VIPAS39: variants seen among roughly 807,000 people sequenced by gnomAD.
The protein encoded by VIPAS39 is VPS33B interacting protein, apical-basolateral polarity regulator, spe-39 homolog.
VIPAS39 carries 63 observed loss-of-function variants against 84.7 expected under a neutral mutation model. The ratio of observed to expected loss-of-function variants is 0.74; its 90% CI spans 0.61 to 0.92. The LOEUF is 0.92. VIPAS39 is among the 40% of genes least tolerant of loss of function. The pLI is 0.00. For missense variants in VIPAS39, 499 were observed against 604.5 expected (o/e 0.83, Z 1.83); for synonymous variants, 192 against 216.5 (o/e 0.89, Z 0.99).
chr14:77,445,914 C>T (rs868525767), intron 7 of VIPAS39, among the ~76,000 whole-genome samples: 5 of 146,448 alleles, frequency 3.4e-5, no homozygotes, highest in Non-Finnish European at 7.4e-5. Context: ...CACTCCAGCC[C>T]GGGCGACAGA....
chr14:77,444,258 G>A lies in VIPAS39; in HGVS notation c.588C>T (p.Val196=). The change falls in exon 8 of 20, where the codon GTC becomes GTT. Residue 196 remains valine (V), a synonymous_variant. Transcript: ENST00000557658. The part of the protein sequence containing the change: ...EEAVSMHDGN[V]ITAVLIFLKR... ...AAATCCGACAACTCACTGCAGTAAT[G>A]ACGTTTCCATCATGCATGCTTACTG... 6.2e-7 allele frequency: 1 copy of A among 1,613,452 alleles called. No individual in the cohort carries two copies. Among genetic ancestry groups the A allele is most frequent in the Non-Finnish European group, 8.5e-7 (1 of 1,179,506 alleles).
At chr14:77,438,586 A>C (rs566114618) in intron 11 of VIPAS39, among the ~76,000 whole-genome samples, 2 of 152,344 alleles carry the variant, frequency 1.3e-5, no homozygotes, top group African/African-American at 4.8e-5. Context: ...CTGACCTATA[A>C]TGAAGCACTG....
intron 14 of VIPAS39, 112 bp from the exon 15 acceptor site, chr14:77,434,415 T>G (rs1483084677): frequency 1.3e-5 from 13 of 973,054 alleles, no homozygotes; most frequent in Non-Finnish European, 1.6e-6. Flanking sequence ...TCTGCTGCCA[T>G]TTAAACATAG....
chr14:77,427,383 C>A lies in VIPAS39; in HGVS notation c.*233G>T. The A allele has an allele frequency of 1.7e-6, 1 of 578,606 alleles. No individual in the cohort carries two copies. Among genetic ancestry groups the A allele is most frequent in the Non-Finnish European group, 3.1e-6 (1 of 325,378 alleles). The allele number at this position is 578,606 out of a possible 1,614,324, so 35.8% of individuals were successfully genotyped here. ...GAAATCACTCCCACCTTCATATGAG[C>A]ACCAGGTGGAGAGAATCATTCTCAT... On this transcript the variant is annotated 3_prime_UTR_variant, in exon 20 of 20. Transcript: ENST00000557658.
Position 77,428,857 on chromosome 14 carries a change from G to A in VIPAS39, c.1356+149C>T. Reference sequence around the variant, plus strand: ...CTGGGAAAATAATACAGGAGTGCTGGTCTCCAAACAAACTCTTGCCAGATT... The same window carrying A: ...CTGGGAAAATAATACAGGAGTGCTGATCTCCAAACAAACTCTTGCCAGATT... On this transcript the variant is annotated intron_variant, in intron 18 of 19. Coordinates refer to ENST00000557658, the MANE Select transcript of VIPAS39 (RefSeq NM_001193315.2). The A allele has an allele frequency of 1.6e-5, 11 of 704,840 alleles. No homozygotes were observed. In the South Asian group the frequency reaches 1.6e-4, roughly 10 times the overall value. 43.7% of individuals were successfully genotyped at this position (704,840 alleles called of 1,614,324 possible). A position where few individuals can be genotyped will look rare whatever the true frequency, so the allele number is the denominator to read the frequency against.
intron 7 of VIPAS39, among the ~76,000 whole-genome samples, chr14:77,447,810 G>A (rs777377365): frequency 5.3e-5 from 8 of 151,844 alleles, no homozygotes; most frequent in Middle Eastern, 3.2e-3. Context: ...ACAGGTGCAC[G>A]CCACCACGCC....
Position 77,437,607 on chromosome 14 carries a change from T to C in VIPAS39, c.836+201A>G, listed in dbSNP as rs77989129. ...ATCTCTCTACATTTGTCTTTTTTTTTCCTCAGTTTACCATCAAGCAGTGGA... is the reference window on the plus strand; with the variant it reads ...ATCTCTCTACATTTGTCTTTTTTTTCCCTCAGTTTACCATCAAGCAGTGGA... On this transcript the variant is annotated intron_variant, in intron 12 of 19. Coordinates refer to ENST00000557658, the MANE Select transcript of VIPAS39 (RefSeq NM_001193315.2). Among the ~76,000 whole-genome samples, 4,480 of 152,236 alleles carry C rather than the reference T, an allele frequency of 0.029. 210 individuals are homozygous for C. Among genetic ancestry groups the C allele is most frequent in the African/African-American group, 0.1 (4,230 of 41,514 alleles).
chr14:77,452,703 C>T (rs1461388082), intron 3 of VIPAS39, among the ~76,000 whole-genome samples: 4 of 143,880 alleles, frequency 2.8e-5, no homozygotes, highest in Non-Finnish European at 4.5e-5. Context: ...TCGCTTGAAC[C>T]TGGGAGGCGG....
In VIPAS39 at chr14:77,437,845, G is replaced by C. The variant is rs754769494; in HGVS notation, c.799C>G (p.Pro267Ala). ...HYREHLNIQD[P>A]DKRKEFLKTC... ...TTAAGAAATTCTTTTCGTTTGTCAG[G>C]GTCCTGAATGTTCAAATGCTCTCGA... The change falls in exon 12 of 20, where the codon CCT (proline) becomes GCT (alanine). Residue 267 changes from proline to alanine, a missense_variant. Transcript: ENST00000557658. The C allele has an allele frequency of 1.2e-5, 20 of 1,613,832 alleles. No individual in the cohort carries two copies. The highest frequency in any genetic ancestry group is 9.4e-5 in the African/African-American group (7 of 74,830).
At chr14:77,440,960 C>G (rs2078693463) in intron 11 of VIPAS39, 106 bp downstream of exon 11, 1 of 1,377,308 alleles carries the variant, frequency 7.3e-7, no homozygotes, top group South Asian at 1.2e-5. Context: ...TCAGGTGATC[C>G]ACCCACCTCG....
At chr14:77,453,194 T>C in intron 3 of VIPAS39, 105 bp downstream of exon 3, 2 of 1,148,288 alleles carry the variant, frequency 1.7e-6, no homozygotes, top group Non-Finnish European at 2.6e-6. Context: ...AATAGTCTTA[T>C]CCTAGTCCCT....
chr14:77,434,182 G>T (rs1213402944), intron 15 of VIPAS39, 80 bp downstream of exon 15: 2 of 1,437,396 alleles, frequency 1.4e-6, no homozygotes, highest in Non-Finnish European at 2.0e-6. Context: ...AGGACACACT[G>T]TACAGGGTTA....
At chr14:77,429,612 G>A in intron 17 of VIPAS39, 69 bp downstream of exon 17, 1 of 1,497,820 alleles carries the variant, frequency 6.7e-7, no homozygotes, top group Non-Finnish European at 9.3e-7. Flanking sequence ...TCCCATCACT[G>A]ACCAGTAAGA....
chr14:77,432,907 T>C lies in VIPAS39; in HGVS notation c.1179+935A>G, dbSNP rs538920595. On this transcript the variant is annotated intron_variant, in intron 16 of 19. Coordinates refer to ENST00000557658, the MANE Select transcript of VIPAS39 (RefSeq NM_001193315.2). ...GGGTTCTTACCACACTCACAAAAAATGGCTAACTGTGAGATGATGGGTTAA... is the reference window on the plus strand; with the variant it reads ...GGGTTCTTACCACACTCACAAAAAACGGCTAACTGTGAGATGATGGGTTAA... 3.9e-5 allele frequency among the ~76,000 whole-genome samples: 6 copies of C among 152,280 alleles called. No homozygotes were observed. In the South Asian group the frequency reaches 1.2e-3, roughly 32 times the overall value.
At chr14:77,428,294 G>A in intron 19 of VIPAS39, 76 bp downstream of exon 19, 2 of 1,348,196 alleles carry the variant, frequency 1.5e-6, no homozygotes, top group African/African-American at 1.4e-5. Context: ...CCAGACCTTG[G>A]GAACATACAT....
At chr14:77,447,411 C>T (rs532246299) in intron 7 of VIPAS39, among the ~76,000 whole-genome samples, 2 of 151,938 alleles carry the variant, frequency 1.3e-5, no homozygotes, top group East Asian at 1.9e-4. Flanking sequence ...CTCCTGGGCT[C>T]GACAGATCCT....
intron 1 of VIPAS39, 44 bp downstream of exon 1, chr14:77,457,451 G>A: frequency 6.6e-7 from 1 of 1,504,528 alleles, no homozygotes; most frequent in East Asian, 2.5e-5. Context: ...GGAGAGGCTG[G>A]ATCCAGCCAG....
At chr14:77,449,162 C>G in intron 6 of VIPAS39, 131 bp downstream of exon 6, 1 of 1,046,780 alleles carries the variant, frequency 9.6e-7, no homozygotes, top group Non-Finnish European at 1.5e-6. Flanking sequence ...GTTTAGAAAC[C>G]CAGTTTTCTA....
At position 77,457,199 on chromosome 14, in the gene VIPAS39, G is replaced by A. The variant is rs1457188221; in HGVS notation, c.-1+296C>T. 7 of 1,503,436 alleles carry A rather than the reference G, an allele frequency of 4.7e-6. No individual in the cohort carries two copies. In the African/African-American group the frequency reaches 6.9e-5, roughly 15 times the overall value. The allele number at this position is 1,503,436 out of a possible 1,614,324, so 93.1% of individuals were successfully genotyped here. On this transcript the variant is annotated intron_variant, in intron 1 of 19. Transcript: ENST00000557658. ...AGAGTTAAGCTAGGATGACTCTACG[G>A]GTGAACGTCCAGGAAGCCATGGATC... is the stretch of plus-strand genomic sequence containing the variant.
Sources: gnomAD v4.1 joint callset for allele counts (sites outside exome capture counted in the v4.1 genomes callset) on GRCh38, gnomAD v4.1.1 for gene constraint, MANE v1.5 for transcripts, NCBI Gene and HGNC (gene_info 2026-07-23, HGNC 2026-07-21) for gene names.